The following ITGB3 variants were observed in gnomAD, a reference collection of about 807,000 sequenced individuals.
The protein encoded by ITGB3 is integrin beta-3.
ITGB3 carries 48 observed loss-of-function variants against 85.8 expected under a neutral mutation model. That is an observed-to-expected ratio of 0.56 (90% CI 0.44 to 0.71). The LOEUF (loss-of-function observed/expected upper bound fraction) is 0.71, where lower values mean the gene tolerates loss of function less well. ITGB3 is among the 30% of genes least tolerant of loss of function. ITGB3 has a pLI of 0.00. For missense variants in ITGB3, 861 were observed against 1,019.1 expected (o/e 0.84, Z 2.11); for synonymous variants, 363 against 395.6 (o/e 0.92, Z 0.98).
At chr17:47,292,040 T>C (rs1269390018) in intron 9 of ITGB3, 99 bp from the exon 10 acceptor site, 2 of 1,239,960 alleles carry the variant, frequency 1.6e-6, no homozygotes, top group Non-Finnish European at 1.2e-6. Flanking sequence ...CCAATTTGGG[T>C]ATTCCTTGGC....
At chr17:47,283,675 A>G (rs1732074305) in intron 3 of ITGB3, 126 bp downstream of exon 3, 1 of 897,486 alleles carries the variant, frequency 1.1e-6, no homozygotes. Flanking sequence ...GACAAGGATG[A>G]GGGGGGAGGT....
intron 1 of ITGB3, among the ~76,000 whole-genome samples, chr17:47,266,241 A>G (rs1314122223): frequency 6.6e-6 from 1 of 152,140 alleles, no homozygotes; most frequent in Non-Finnish European, 1.5e-5. Context: ...AGAGTGATAG[A>G]TGTCCATAGT....
rs532468087 is a variant in ITGB3 at position 47,290,075 on chromosome 17, G to A, written c.1036-110G>A. ...CTGGCAGTGACAATTGAAATATCCC[G>A]TACCTTCCTCCAATCTTCATCTCAG... On this transcript the variant is annotated intron_variant, in intron 7 of 14. Transcript: ENST00000559488. 19 of 876,584 alleles carry A rather than the reference G, an allele frequency of 2.2e-5. No individual in the cohort carries two copies. The Middle Eastern group carries it at 6.5e-4, about 30-fold the overall frequency. 54.3% of individuals were successfully genotyped at this position (876,584 alleles called of 1,614,324 possible).
At chr17:47,284,400 G>A in intron 3 of ITGB3, 43 bp from the exon 4 acceptor site, 1 of 1,612,816 alleles carries the variant, frequency 6.2e-7, no homozygotes, top group Non-Finnish European at 8.5e-7. Flanking sequence ...ATTCAATCTT[G>A]GTGGGAGAAG....
In ITGB3 at chr17:47,284,469, G is replaced by A. The variant is rs774022747; in HGVS notation, c.388G>A (p.Val130Met). ...TGATTCGAAGAATTTCTCCATCCAA[G>A]TGCGGCAGGTGGAGGATTACCCTGT... Reference protein sequence around the residue: ...PDDSKNFSIQVRQVEDYPVDI... With the variant: ...PDDSKNFSIQMRQVEDYPVDI... Residue 130 changes from valine to methionine, a missense_variant, in exon 4 of 15, where the codon GTG (valine) becomes ATG (methionine). By Grantham distance (21) the Val-to-Met change is conservative (BLOSUM62 1). Coordinates refer to ENST00000559488, the MANE Select transcript of ITGB3 (RefSeq NM_000212.3). 6.2e-7 allele frequency: 1 copy of A among 1,614,094 alleles called. No individual in the cohort carries two copies. Among genetic ancestry groups the A allele is most frequent in the Non-Finnish European group, 8.5e-7 (1 of 1,179,998 alleles).
chr17:47,303,385 G>A (rs1020700707), intron 13 of ITGB3: 2 of 156,604 alleles, frequency 1.3e-5, no homozygotes, highest in African/African-American at 4.8e-5. Flanking sequence ...AAATCAGAAA[G>A]CAGGTAAGGA....
chr17:47,299,156 G>A lies in ITGB3; in HGVS notation c.1691-152G>A, dbSNP rs1271883468. 1.2e-5 allele frequency: 9 copies of A among 745,250 alleles called. No individual in the cohort carries two copies. The allele number at this position is 745,250 out of a possible 1,614,324, so 46.2% of individuals were successfully genotyped here. ...AGAAAACTGAGTTTGTCCCTGCTGG[G>A]TAGGACTCCCCTGGGTGGTGAGCCA... On this transcript the variant is annotated intron_variant, in intron 10 of 14. Coordinates refer to ENST00000559488, the MANE Select transcript of ITGB3 (RefSeq NM_000212.3). This position sits in a 1 kb window ranked among gnomAD's most constrained non-coding sequence, Gnocchi z 5.1.
At chr17:47,280,093 G>A (rs1414327471) in intron 2 of ITGB3, 1 of 152,244 alleles carries the variant, frequency 6.6e-6, no homozygotes, top group African/African-American at 2.4e-5. Context: ...TTGCCACCAG[G>A]AAGGTTAAGT....
At position 47,287,911 on chromosome 17, in the gene ITGB3, C is replaced by CTTTTTTTTTTTTTTTT. The variant is rs60463106; in HGVS notation, c.939+697_939+712dup. Among the ~76,000 whole-genome samples, 2 of 55,390 alleles carry CTTTTTTTTTTTTTTTT rather than the reference C, an allele frequency of 3.6e-5. 1 individual carries two copies. Among genetic ancestry groups the CTTTTTTTTTTTTTTTT allele is most frequent in the East Asian group, 1.6e-3 (2 of 1,268 alleles). The allele number at this position is 55,390 out of a possible 152,430, so 36.3% of individuals were successfully genotyped here. A position where few individuals can be genotyped will look rare whatever the true frequency, so the allele number is the denominator to read the frequency against. ...AGTGACAGAGCAAGAACCACCCCTG[C>CTTTTTTTTTTTTTTTT]TTTTTTTTTTTTTTTTTTTTTTTTT... is the stretch of plus-strand genomic sequence containing the variant. On this transcript the variant is annotated intron_variant, in intron 6 of 14. Coordinates refer to ENST00000559488, the MANE Select transcript of ITGB3 (RefSeq NM_000212.3).
chr17:47,293,028 C>T (rs1748900941), intron 10 of ITGB3, among the ~76,000 whole-genome samples: 1 of 152,168 alleles, frequency 6.6e-6, no homozygotes, highest in Non-Finnish European at 1.5e-5. Context: ...ATATGGTAGG[C>T]TTTAGCCACA....
chr17:47,294,779 C>T lies in ITGB3; in HGVS notation c.1690+2211C>T, dbSNP rs1306182961. On this transcript the variant is annotated intron_variant, in intron 10 of 14. Coordinates refer to ENST00000559488, the MANE Select transcript of ITGB3 (RefSeq NM_000212.3). The stretch of plus-strand genomic sequence containing the variant: ...TCCCTGACCTCTCCAAGCTTAAAGC[C>T]CCACTCACCATTGCCCCTTGCCAGA... Among the ~76,000 whole-genome samples the T allele has an allele frequency of 1.2e-4, 19 of 152,186 alleles. 1 individual carries two copies. Among genetic ancestry groups the T allele is most frequent in the Admixed American group, 1.2e-3 (18 of 15,286 alleles).
chr17:47,302,329 GT>G (rs1277398292), intron 12 of ITGB3, among the ~76,000 whole-genome samples: 3 of 152,152 alleles, frequency 2.0e-5, no homozygotes, highest in Non-Finnish European at 4.4e-5. Context: ...ACTTTATGCT[GT>G]TTAGTTCACC....
In ITGB3 at chr17:47,307,550, G is replaced by C; in HGVS notation, c.2214G>C (p.Leu738=). The change falls in exon 14 of 15, where the codon CTG becomes CTC. Residue 738 remains leucine, a synonymous_variant. Coordinates refer to ENST00000559488, the MANE Select transcript of ITGB3 (RefSeq NM_000212.3). The stretch of plus-strand genomic sequence containing the variant: ...TTCTGCTCATTGGCCTTGCCGCCCT[G>C]CTCATCTGGAAACTCCTCATCACCA... ...GAILLIGLAA[L]LIWKLLITIH... 6.2e-7 allele frequency: 1 copy of C among 1,614,182 alleles called. No individual in the cohort carries two copies. The highest frequency in any genetic ancestry group is 8.5e-7 in the Non-Finnish European group (1 of 1,180,040).
chr17:47,267,727 G>A (rs2065030468), intron 1 of ITGB3, among the ~76,000 whole-genome samples: 1 of 152,186 alleles, frequency 6.6e-6, no homozygotes, highest in African/African-American at 2.4e-5. Context: ...GGGACCTGCT[G>A]TTATTTATTT....
chr17:47,302,400 C>G (rs1199187500), intron 12 of ITGB3, among the ~76,000 whole-genome samples: 2 of 152,124 alleles, frequency 1.3e-5, no homozygotes, highest in Non-Finnish European at 2.9e-5. Flanking sequence ...TTGATGAGGT[C>G]AGGTAACTTA....
chr17:47,274,095 G>T (rs897470353), intron 1 of ITGB3, among the ~76,000 whole-genome samples: 26 of 152,222 alleles, frequency 1.7e-4, no homozygotes, highest in Admixed American at 6.5e-5. Context: ...TTTGCACAAT[G>T]TAGGTGTCAA....
At chr17:47,308,399 A>T (rs1157184369) in intron 14 of ITGB3, among the ~76,000 whole-genome samples, 1 of 151,950 alleles carries the variant, frequency 6.6e-6, no homozygotes, top group Non-Finnish European at 1.5e-5. Context: ...GTTTGTTCCC[A>T]TTTGATGTTG....
At chr17:47,300,654 C>A in intron 12 of ITGB3, 76 bp downstream of exon 12, 1 of 1,062,226 alleles carries the variant, frequency 9.4e-7, no homozygotes, top group Non-Finnish European at 1.4e-6. Flanking sequence ...ACCTATCCAA[C>A]TCCCACCTGT....
chr17:47,289,511 G>C (rs1245754505), intron 6 of ITGB3, among the ~76,000 whole-genome samples, 170 bp from the exon 7 acceptor site: 1 of 152,098 alleles, frequency 6.6e-6, no homozygotes, highest in Non-Finnish European at 1.5e-5. Flanking sequence ...TTTTTGTAGA[G>C]ATGGGGTCTT....
Sources: gnomAD v4.1 joint callset for allele counts (sites outside exome capture counted in the v4.1 genomes callset) on GRCh38, gnomAD v4.1.1 for gene constraint, Gnocchi (gnomAD v3.1) non-coding constraint, MANE v1.5 for transcripts, NCBI Gene and HGNC (gene_info 2026-07-23, HGNC 2026-07-21) for gene names.